The following RNF123 variants were observed in gnomAD, a reference collection of about 807,000 sequenced individuals.
The protein encoded by RNF123 is ring finger protein 123.
RNF123 carries 86 observed loss-of-function variants against 168.5 expected under a neutral mutation model. The ratio of observed to expected loss-of-function variants is 0.51; its 90% CI spans 0.43 to 0.61. The LOEUF is 0.61. Among genes scored for constraint, RNF123 ranks in the 20% least tolerant of loss-of-function variants. The probability of loss-of-function intolerance (pLI) is 0.00; values close to 1 mark genes in which losing one functional copy is unlikely to be tolerated. For missense variants in RNF123, 1,419 were observed against 1,729.7 expected (o/e 0.82, Z 3.19); for synonymous variants, 666 against 689.1 (o/e 0.97, Z 0.52).
Position 49,716,421 on chromosome 3 carries a change from T to C in RNF123, c.3444T>C (p.Ile1148=), listed in dbSNP as rs1296492436. 8.1e-6 allele frequency: 13 copies of C among 1,613,880 alleles called. No homozygotes were observed. Among genetic ancestry groups the C allele is most frequent in the Non-Finnish European group, 1.1e-5 (13 of 1,179,976 alleles). Reference sequence around the variant, plus strand: ...TAGAGAGCGTGGACCACTATCCCATTCTGGTGGCAGTGACGGGCATCCTGG... The same window carrying C: ...TAGAGAGCGTGGACCACTATCCCATCCTGGTGGCAGTGACGGGCATCCTGG... ...PGLESVDHYP[I]LVAVTGILVQ... The change falls in exon 35 of 39, where the codon ATT becomes ATC. Residue 1148 remains isoleucine, a synonymous_variant. Transcript: ENST00000327697.
Position 49,700,552 on chromosome 3 carries a change from C to T in RNF123, c.1191C>T (p.Asp397=). 6.2e-7 allele frequency: 1 copy of T among 1,614,204 alleles called. No individual in the cohort carries two copies. Among genetic ancestry groups the T allele is most frequent in the Non-Finnish European group, 8.5e-7 (1 of 1,180,010 alleles). Residue 397 remains aspartate, a synonymous_variant, in exon 14 of 39, where the codon GAC becomes GAT. Transcript: ENST00000327697. ...RLYRFSPIVP[D]LGLQIHYLRL... is the part of the protein sequence containing the mutation. ...ACCGATTCTCACCCATTGTCCCAGA[C>T]CTGGGCCTACAGGTGGGAGCCCCTA...
At chr3:49,717,545 C>A in intron 35 of RNF123, 1 of 239,030 alleles carries the variant, frequency 4.2e-6, no homozygotes, top group South Asian at 5.5e-5. Flanking sequence ...TGTCTCAGCC[C>A]CTGAGGGTGG....
chr3:49,712,574 G>A lies in RNF123; in HGVS notation c.2592G>A (p.Glu864=), dbSNP rs747332444. The change falls in exon 27 of 39, where the codon GAG becomes GAA. Residue 864 remains glutamate, a synonymous_variant. Transcript: ENST00000327697. ...GGTCTCTCTTTGCCTTCATGCCCGA[G>A]TTCTACCTGAGCGTGGCCATCAACA... ...RTGSLFAFMP[E]FYLSVAINSY... 2.5e-6 allele frequency: 4 copies of A among 1,614,210 alleles called. No homozygotes were observed. Among genetic ancestry groups the A allele is most frequent in the East Asian group, 2.2e-5 (1 of 44,888 alleles).
chr3:49,701,881 G>A lies in RNF123; in HGVS notation c.1466G>A (p.Gly489Asp). ...ERLRRRAYER[G>D]CQRLRKRIEV... ...CTGCGGCGGCGAGCCTACGAACGGG[G>A]CTGTCAGCGGCTCAGGAAGCGCATC... Residue 489 changes from glycine to aspartate, a missense_variant, in exon 17 of 39, where the codon GGC (glycine) becomes GAC (aspartate). Gly to Asp is a moderately conservative substitution (Grantham distance 94, BLOSUM62 -1). Around this residue, in one of 5 missense-constraint regions of RNF123, gnomAD observed 349 missense variants for 344.9 expected, o/e 1.01. Coordinates refer to ENST00000327697, the MANE Select transcript of RNF123 (RefSeq NM_022064.5). 6.4e-7 allele frequency: 1 copy of A among 1,564,282 alleles called. No homozygotes were observed. Among genetic ancestry groups the A allele is most frequent in the Non-Finnish European group, 8.7e-7 (1 of 1,154,236 alleles).
chr3:49,715,926 G>A lies in RNF123; in HGVS notation c.3255G>A (p.Leu1085=). The A allele has an allele frequency of 6.2e-7, 1 of 1,614,098 alleles. No homozygotes were observed. The highest frequency in any genetic ancestry group is 1.3e-5 in the African/African-American group (1 of 75,068). The change falls in exon 33 of 39, where the codon TTG becomes TTA. Residue 1085 remains leucine (L), a synonymous_variant. Coordinates refer to ENST00000327697, the MANE Select transcript of RNF123 (RefSeq NM_022064.5). ...FDLSVSLLRV[L]EMTITLVPEI... is the part of the protein sequence containing the mutation. ...TCTCGGTCAGCCTGCTGCGTGTCTTGGAGATGACTATCACACTGGTGCCTG... is the reference window on the plus strand; with the variant it reads ...TCTCGGTCAGCCTGCTGCGTGTCTTAGAGATGACTATCACACTGGTGCCTG...
chr3:49,721,175 C>T lies in RNF123; in HGVS notation c.3825-10C>T, dbSNP rs1209262319. The T allele has an allele frequency of 6.2e-6, 10 of 1,614,070 alleles. No homozygotes were observed. In the South Asian group the frequency reaches 7.7e-5, roughly 12 times the overall value. ...ATGCAGGGCAGTCCTCATCCCCTCC[C>T]CTGTTGTAGAGCCTGTATCAACCAG... On this transcript the variant is annotated splice_polypyrimidine_tract_variant and intron_variant, in intron 38 of 38. Transcript: ENST00000327697.
rs1207029137 is a variant in RNF123, at chr3:49,713,905, C to T, written c.2838-5C>T. On this transcript the variant is annotated splice_polypyrimidine_tract_variant and splice_region_variant and intron_variant, in intron 29 of 38. Transcript: ENST00000327697. ...ACCCCGTCTCTCCCCTCCTTGCCCT[C>T]ACAGGCGTATCGCCATGGTGAGGAA... 6.2e-7 allele frequency: 1 copy of T among 1,613,558 alleles called. No individual in the cohort carries two copies. Among genetic ancestry groups the T allele is most frequent in the Non-Finnish European group, 8.5e-7 (1 of 1,179,806 alleles).
Position 49,702,635 on chromosome 3 carries a change from C to T in RNF123, c.1632C>T (p.Asn544=). 6.2e-7 allele frequency: 1 copy of T among 1,614,250 alleles called. No individual in the cohort carries two copies. ...FLQENASGRG[N]MPMLCPPEYM... ...TGTTTCATGCCTGGTGTCCACAGAA[C>T]ATGCCCATGCTCTGCCCCCCTGAGT... The change falls in exon 20 of 39, where the codon AAC becomes AAT. Residue 544 remains asparagine (N), a splice_region_variant and synonymous_variant. Coordinates refer to ENST00000327697, the MANE Select transcript of RNF123 (RefSeq NM_022064.5).
intron 3 of RNF123, among the ~76,000 whole-genome samples, chr3:49,693,347 CTTTTTTTTTTT>C (rs35938648): frequency 2.9e-5 from 1 of 34,124 alleles, no homozygotes; most frequent in Non-Finnish European, 5.0e-5. Flanking sequence ...TGTGCCTGGC[CTTTTTTTTTTT>C]TTTTTTTTTT....
Position 49,697,891 on chromosome 3 carries a change from G to A in RNF123, c.349G>A (p.Gly117Arg), listed in dbSNP as rs1377429219. The A allele has an allele frequency of 1.2e-6, 2 of 1,614,036 alleles. No individual in the cohort carries two copies. The highest frequency in any genetic ancestry group is 1.3e-5 in the African/African-American group (1 of 74,920). ...ACCCCTCTTCTTCACCCAGGTGATTGGACACAGCAACTTTGGCACCATCCG... is the reference window on the plus strand; with the variant it reads ...ACCCCTCTTCTTCACCCAGGTGATTAGACACAGCAACTTTGGCACCATCCG... ...LVDDDLLGVI[G>R]HSNFGTIRST... is the part of the protein sequence containing the mutation. Residue 117 changes from glycine (G) to arginine (R), a missense_variant, in exon 6 of 39, where the codon GGA becomes AGA. Physicochemically the swap from Gly to Arg is moderately radical, Grantham distance 125. Coordinates refer to ENST00000327697, the MANE Select transcript of RNF123 (RefSeq NM_022064.5).
At chr3:49,718,956 G>A (rs766764195) in intron 35 of RNF123, 3 of 1,613,808 alleles carry the variant, frequency 1.9e-6, no homozygotes, top group Non-Finnish European at 1.7e-6. Context: ...AGGAGAACGA[G>A]GCGAGTTCGT....
Position 49,700,499 on chromosome 3 carries a change from C to T in RNF123, c.1138C>T (p.Gln380Ter). The part of the protein sequence containing the change: ...EDYEVQDCLK[Q>*]LMMSLLRLYR... ...CTACGAGGTACAAGATTGCCTCAAG[C>T]AGTTGATGATGTCTCTGCTTCGGCT... is the stretch of plus-strand genomic sequence containing the variant. The change falls in exon 14 of 39, where the codon CAG becomes TAG. Residue 380 changes from glutamine to a stop codon, truncating the protein, a stop_gained. Coordinates refer to ENST00000327697, the MANE Select transcript of RNF123 (RefSeq NM_022064.5). LOFTEE classifies it high-confidence loss of function. 1 of 1,614,198 alleles carries T rather than the reference C, an allele frequency of 6.2e-7. No individual in the cohort carries two copies. Among genetic ancestry groups the T allele is most frequent in the Non-Finnish European group, 8.5e-7 (1 of 1,180,026 alleles).
chr3:49,720,767 A>G (rs1332733453), intron 36 of RNF123, 33 bp from the exon 37 acceptor site: 1 of 1,612,848 alleles, frequency 6.2e-7, no homozygotes, highest in Non-Finnish European at 8.5e-7. Context: ...ATCCTCAGCT[A>G]CCTCTGACTT....
chr3:49,721,522 T>A lies in RNF123; in HGVS notation c.*217T>A. On this transcript the variant is annotated 3_prime_UTR_variant, in exon 39 of 39. Coordinates refer to ENST00000327697, the MANE Select transcript of RNF123 (RefSeq NM_022064.5). ...GCCACAGTGAGCATTAAATTATTAT[T>A]CCATACAGCCCTGGCCCTGGCCCTT... is the stretch of plus-strand genomic sequence containing the variant. The A allele has an allele frequency of 2.4e-6, 2 of 819,780 alleles. No homozygotes were observed. Among genetic ancestry groups the A allele is most frequent in the Non-Finnish European group, 4.1e-6 (2 of 486,060 alleles). The allele number at this position is 819,780 out of a possible 1,614,324, so 50.8% of individuals were successfully genotyped here. A position where few individuals can be genotyped will look rare whatever the true frequency, so the allele number is the denominator to read the frequency against.
At chr3:49,719,715 T>TC (rs979261759) in intron 35 of RNF123, 9 of 454,254 alleles carry the variant, frequency 2.0e-5, no homozygotes, top group Admixed American at 4.0e-5. Flanking sequence ...TCCTAAATAC[T>TC]CCCCCCAGGG....
Position 49,699,657 on chromosome 3 carries a change from C to G in RNF123, c.880-11C>G, listed in dbSNP as rs369974257. 12 of 1,613,530 alleles carry G rather than the reference C, an allele frequency of 7.4e-6. No homozygotes were observed. Among genetic ancestry groups the G allele is most frequent in the Admixed American group, 5.0e-5 (3 of 59,996 alleles). On this transcript the variant is annotated splice_polypyrimidine_tract_variant and intron_variant, in intron 11 of 38. Transcript: ENST00000327697. The surrounding 1 kb of genome is among the most constrained non-coding windows in gnomAD (Gnocchi z 4.8). ...GCCCCTCACACTTCTCCCTCCTCCC[C>G]CTCCACACAGGAGGGGCGGCTGTTG...
intron 35 of RNF123, chr3:49,718,765 C>T (rs779265761): frequency 3.7e-6 from 6 of 1,613,172 alleles, no homozygotes; most frequent in Non-Finnish European, 1.7e-6. Flanking sequence ...CCGCTGGTGC[C>T]AGCGCTGTAG....
chr3:49,718,711 A>C (rs1199409191), intron 35 of RNF123: 3 of 1,612,996 alleles, frequency 1.9e-6, no homozygotes, highest in Non-Finnish European at 2.5e-6. Flanking sequence ...CTTGAAGGCC[A>C]AGCATACGTA....
chr3:49,705,700 G>T (rs199537166), intron 24 of RNF123, 21 bp downstream of exon 24: 14 of 1,613,920 alleles, frequency 8.7e-6, no homozygotes, highest in Non-Finnish European at 1.1e-5. Flanking sequence ...CTTGGACCCC[G>T]CATTGGGTGG....
Sources: gnomAD v4.1 joint callset for allele counts (sites outside exome capture counted in the v4.1 genomes callset) on GRCh38, gnomAD v4.1.1 for gene constraint, gnomAD v4.1.1 regional missense constraint, Gnocchi (gnomAD v3.1) non-coding constraint, MANE v1.5 for transcripts, NCBI Gene and HGNC (gene_info 2026-07-23, HGNC 2026-07-21) for gene names.